The following KCNN2 variants were observed in gnomAD, a reference collection of about 807,000 sequenced individuals.
KCNN2 encodes small conductance calcium-activated potassium channel protein 2.
In KCNN2, 24 loss-of-function variants were observed where a neutral mutation model predicts 55.5. That is an observed-to-expected ratio of 0.43 (90% confidence interval 0.31 to 0.61). The LOEUF is 0.61. KCNN2 is among the 20% of genes least tolerant of loss of function. The pLI, the probability that KCNN2 is intolerant of heterozygous loss-of-function variation, is 0.08. For synonymous variants in KCNN2, 431 were observed against 336.1 expected (o/e 1.28, Z -3.09); for missense variants, 754 against 853.6 (o/e 0.88, Z 1.45).
intron 1 of KCNN2, among the ~76,000 whole-genome samples, chr5:114,130,754 A>C (rs760527495): frequency 6.6e-6 from 1 of 152,208 alleles, no homozygotes; most frequent in Non-Finnish European, 1.5e-5. Context: ...AATATAATCC[A>C]TGCAGGCATA....
At chr5:114,373,658 A>ATAT (rs1554084191) in intron 2 of KCNN2, among the ~76,000 whole-genome samples, 8 of 104,556 alleles carry the variant, frequency 7.7e-5, no homozygotes, top group Admixed American at 1.1e-4. Context: ...ATATATATAT[A>ATAT]AAATTACTTG....
intron 2 of KCNN2, among the ~76,000 whole-genome samples, chr5:114,288,847 A>G (rs1263711374): frequency 3.3e-5 from 5 of 152,120 alleles, no homozygotes; most frequent in Admixed American, 2.0e-4. Context: ...CCATTGACAC[A>G]CAAGACTTTT....
At chr5:114,366,131 G>C (rs1334877279) in intron 2 of KCNN2, among the ~76,000 whole-genome samples, 1 of 152,160 alleles carries the variant, frequency 6.6e-6, no homozygotes, top group Non-Finnish European at 1.5e-5. Flanking sequence ...ATTAATGCTT[G>C]AAAGCATTCC....
chr5:114,169,690 C>G (rs1161110202), intron 1 of KCNN2, among the ~76,000 whole-genome samples: 3 of 152,036 alleles, frequency 2.0e-5, no homozygotes, highest in Non-Finnish European at 1.5e-5. Context: ...CATGTGCACC[C>G]CTTTTGGTGA....
chr5:114,098,234 T>C (rs548243868), intron 1 of KCNN2, among the ~76,000 whole-genome samples: 71 of 152,244 alleles, frequency 4.7e-4, no homozygotes, highest in Middle Eastern at 3.4e-3. Context: ...GGTTCTTCAC[T>C]TAATCATATC....
At chr5:114,145,141 T>A (rs1415017319) in intron 1 of KCNN2, among the ~76,000 whole-genome samples, 1 of 152,242 alleles carries the variant, frequency 6.6e-6, no homozygotes, top group Non-Finnish European at 1.5e-5. Context: ...CCTTTCCACT[T>A]AAAAGGAAAA....
chr5:114,401,216 A>T (rs560932170), intron 2 of KCNN2, among the ~76,000 whole-genome samples: 86 of 152,270 alleles, frequency 5.6e-4, no homozygotes, highest in Non-Finnish European at 1.3e-4. Flanking sequence ...ATAAAAAAAA[A>T]TTTCAGGTAT....
intron 1 of KCNN2, among the ~76,000 whole-genome samples, chr5:114,118,708 T>C (rs983010261): frequency 6.6e-6 from 1 of 152,084 alleles, no homozygotes; most frequent in South Asian, 2.1e-4. Flanking sequence ...GAAATGTTTA[T>C]TCTTGGCATC....
intron 1 of KCNN2, among the ~76,000 whole-genome samples, chr5:114,164,914 A>C (rs748880328): frequency 1.3e-5 from 2 of 152,144 alleles, no homozygotes; most frequent in Non-Finnish European, 2.9e-5. Flanking sequence ...TACTGTTTTA[A>C]GTTTTTTGCA....
chr5:114,362,718 C>A lies in KCNN2; in HGVS notation c.579C>A (p.His193Gln). 6.6e-7 allele frequency: 1 copy of A among 1,509,654 alleles called. No individual in the cohort carries two copies. Among genetic ancestry groups the A allele is most frequent in the Non-Finnish European group, 8.8e-7 (1 of 1,137,670 alleles). 93.5% of individuals were successfully genotyped at this position (1,509,654 alleles called of 1,614,324 possible). ...ACCACCACCACCCGCACCCGGCGCA[C>A]CACCAGCACCACCAGCCCCAGGCGC... Reference protein sequence around the residue: ...SHHHHHPHPAHHQHHQPQARR... With the variant: ...SHHHHHPHPAQHQHHQPQARR... Residue 193 changes from histidine to glutamine, a missense_variant, in exon 1 of 8, where the codon CAC (histidine) becomes CAA (glutamine). His to Gln is a conservative substitution (Grantham distance 24, BLOSUM62 0). Around this residue, in one of 4 missense-constraint regions of KCNN2, gnomAD observed 381 missense variants for 259.1 expected, o/e 1.47. Transcript: ENST00000673685.
intron 3 of KCNN2, among the ~76,000 whole-genome samples, chr5:114,418,227 A>C (rs1759365705): frequency 1.3e-5 from 2 of 152,222 alleles, no homozygotes; most frequent in South Asian, 2.1e-4. Context: ...AAGTTAACAA[A>C]GGTTAATAAG....
chr5:114,245,824 A>G (rs776072928), intron 2 of KCNN2, among the ~76,000 whole-genome samples: 11 of 152,202 alleles, frequency 7.2e-5, no homozygotes, highest in African/African-American at 4.8e-5. Flanking sequence ...AGTCAGGAAC[A>G]GGTGGACATA....
intron 1 of KCNN2, among the ~76,000 whole-genome samples, chr5:114,137,962 T>G (rs1752205432): frequency 6.6e-6 from 1 of 152,120 alleles, no homozygotes; most frequent in Admixed American, 6.6e-5. Context: ...AGAGCTAAAT[T>G]TTTCCAAAGA....
intron 3 of KCNN2, among the ~76,000 whole-genome samples, chr5:114,447,090 T>C (rs1327238724): frequency 6.6e-6 from 1 of 152,222 alleles, no homozygotes; most frequent in African/African-American, 2.4e-5. Flanking sequence ...AGTGCTGTAG[T>C]GCAGCTCCTA....
At chr5:114,072,805 G>A (rs1378573420) in intron 1 of KCNN2, among the ~76,000 whole-genome samples, 1 of 151,678 alleles carries the variant, frequency 6.6e-6, no homozygotes, top group Admixed American at 6.6e-5. Flanking sequence ...GTAACATGGA[G>A]GTAACAGTAT....
At chr5:114,317,923 G>A (rs1269808287) in intron 2 of KCNN2, among the ~76,000 whole-genome samples, 1 of 152,210 alleles carries the variant, frequency 6.6e-6, no homozygotes, top group East Asian at 1.9e-4. Context: ...GAGTTGTAAA[G>A]CACTGAAGAG....
intron 2 of KCNN2, among the ~76,000 whole-genome samples, chr5:114,344,961 C>A (rs1757081506): frequency 6.6e-6 from 1 of 152,158 alleles, no homozygotes; most frequent in South Asian, 2.1e-4. Flanking sequence ...CCTAGAAATA[C>A]CCCTGCTAGG....
At chr5:114,064,403 T>C (rs1750396444) in intron 1 of KCNN2, among the ~76,000 whole-genome samples, 2 of 152,162 alleles carry the variant, frequency 1.3e-5, no homozygotes, top group South Asian at 4.1e-4. Context: ...GAAGCCAGTC[T>C]CCATGCTAGA....
At chr5:114,171,999 T>A (rs1396473948) in intron 1 of KCNN2, among the ~76,000 whole-genome samples, 1 of 151,936 alleles carries the variant, frequency 6.6e-6, no homozygotes, top group East Asian at 1.9e-4. Context: ...AAAGATGGAA[T>A]GTGCTCTGGG....
Sources: gnomAD v4.1 joint callset for allele counts (sites outside exome capture counted in the v4.1 genomes callset) on GRCh38, gnomAD v4.1.1 for gene constraint, gnomAD v4.1.1 regional missense constraint, MANE v1.5 for transcripts, NCBI Gene and HGNC (gene_info 2026-07-23, HGNC 2026-07-21) for gene names.